The following F5 variants were observed in gnomAD, a reference collection of about 807,000 sequenced individuals.
The protein encoded by F5 is coagulation factor V, also known as activated protein c cofactor.
F5 carries 138 observed loss-of-function variants against 216.4 expected under a neutral mutation model. The observed-to-expected ratio is 0.64, with a 90% CI of 0.56 to 0.73. The LOEUF (loss-of-function observed/expected upper bound fraction) is 0.73. Among genes scored for constraint, F5 ranks in the 30% least tolerant of loss-of-function variants. The pLI is 0.00. For synonymous variants in F5, 916 were observed against 930.7 expected (o/e 0.98, Z 0.29); for missense variants, 2,403 against 2,674.0 (o/e 0.90, Z 2.24).
chr1:169,580,961 G>A (rs1660973216), intron 2 of F5, among the ~76,000 whole-genome samples: 1 of 152,200 alleles, frequency 6.6e-6, no homozygotes, highest in South Asian at 2.1e-4. Flanking sequence ...AGAAGGTAGG[G>A]ATTAATTCAA....
intron 21 of F5, among the ~76,000 whole-genome samples, chr1:169,521,495 C>T (rs935994860): frequency 1.3e-5 from 2 of 151,510 alleles, no homozygotes; most frequent in Non-Finnish European, 2.9e-5. Context: ...CTTTTCCTGA[C>T]AGAGCAATGT....
chr1:169,577,706 C>CT (rs1326859729), intron 2 of F5, among the ~76,000 whole-genome samples: 1 of 150,414 alleles, frequency 6.6e-6, no homozygotes, highest in East Asian at 2.0e-4. Flanking sequence ...TCCCAAAGTG[C>CT]TGGGATTACA....
At position 169,512,246 on chromosome 1, in the gene F5, G is replaced by A. The variant is rs1393480386; in HGVS notation, c.*2067C>T. Among the ~76,000 whole-genome samples the A allele has an allele frequency of 6.6e-6, 1 of 151,944 alleles. No individual in the cohort carries two copies. The highest frequency in any genetic ancestry group is 1.5e-5 in the Non-Finnish European group (1 of 67,948). ...TCCTTGGGCAAGTTGTTTAATCTTT[G>A]GGGCCTTATTTTTCTCAAGTAGAGA... On this transcript the variant is annotated 3_prime_UTR_variant, in exon 25 of 25. Transcript: ENST00000367797.
At chr1:169,550,852 C>G in intron 8 of F5, 113 bp from the exon 9 acceptor site, 1 of 773,840 alleles carries the variant, frequency 1.3e-6, no homozygotes, top group Non-Finnish European at 2.2e-6. Context: ...TACATGTGTA[C>G]ACACAGTAGG....
At chr1:169,516,030 T>C (rs1034119733) in intron 23 of F5, among the ~76,000 whole-genome samples, 1 of 152,188 alleles carries the variant, frequency 6.6e-6, no homozygotes, top group African/African-American at 2.4e-5. Flanking sequence ...TATTATTTTC[T>C]TAAGCAAATT....
intron 5 of F5, among the ~76,000 whole-genome samples, chr1:169,558,241 T>C (rs1243289501): frequency 6.6e-6 from 1 of 152,084 alleles, no homozygotes; most frequent in African/African-American, 2.4e-5. Flanking sequence ...AAGGTCGAGG[T>C]CAGTTAACTA....
Position 169,541,856 on chromosome 1 carries a change from A to G in F5, c.3234T>C (p.Leu1078=), listed in dbSNP as rs1659860773. The change falls in exon 13 of 25, where the codon CTT becomes CTC. Residue 1078 remains leucine, a synonymous_variant. Transcript: ENST00000367797. ...LVLHKSNETS[L]PTDLNQTLPS... The stretch of plus-strand genomic sequence containing the variant: ...GCAATGTCTGATTGAGGTCTGTGGG[A>G]AGAGATGTTTCATTGGATTTATGAA... 3.7e-6 allele frequency: 6 copies of G among 1,614,118 alleles called. No individual in the cohort carries two copies. Among genetic ancestry groups the G allele is most frequent in the Non-Finnish European group, 4.2e-6 (5 of 1,179,996 alleles).
In F5 at chr1:169,540,272, A is replaced by C. The variant is rs200116074; in HGVS notation, c.4796+22T>G. 3.1e-5 allele frequency: 50 copies of C among 1,613,094 alleles called. No homozygotes were observed. The East Asian group carries it at 1.1e-3, about 35-fold the overall frequency. ...AGCAGTAATGGAAAAATGAGAATAA[A>C]AAAGGAGAAAACTGGCCAAACCTTT... On this transcript the variant is annotated intron_variant, in intron 13 of 24. Transcript: ENST00000367797.
rs760437399 is a variant in F5 at position 169,541,266 on chromosome 1, G to A, written c.3824C>T (p.Pro1275Leu). The A allele has an allele frequency of 1.1e-4, 176 of 1,537,830 alleles. No individual in the cohort carries two copies. Among genetic ancestry groups the A allele is most frequent in the Non-Finnish European group, 8.8e-6 (10 of 1,131,832 alleles). The stretch of plus-strand genomic sequence containing the variant: ...TGTATGGCTGAGGTCTGGAGAAAGG[G>A]GCATCTGACCGAGGGCTGGAGAAAG... ...TNLSPALGQM[P>L]LSPDLSHTTL... The change falls in exon 13 of 25, where the codon CCC (proline) becomes CTC (leucine). Residue 1275 changes from proline (P) to leucine (L), a missense_variant. By Grantham distance (98) the Pro-to-Leu change is moderately conservative. Coordinates refer to ENST00000367797, the MANE Select transcript of F5 (RefSeq NM_000130.5).
In F5 at chr1:169,551,094, T is replaced by C. The variant is rs141786472; in HGVS notation, c.1297-355A>G. ...CCACATCTCATTTTGAATCTGCTTC[T>C]CATCTCTAGACCATGATCCCCTTCC... is the stretch of plus-strand genomic sequence containing the variant. On this transcript the variant is annotated intron_variant, in intron 8 of 24. Coordinates refer to ENST00000367797, the MANE Select transcript of F5 (RefSeq NM_000130.5). Among the ~76,000 whole-genome samples the C allele has an allele frequency of 5.3e-3, 803 of 152,272 alleles. 7 individuals are homozygous for C. The highest frequency in any genetic ancestry group is 0.018 in the African/African-American group (748 of 41,542).
chr1:169,537,117 C>T (rs1659721838), intron 13 of F5, among the ~76,000 whole-genome samples: 1 of 152,114 alleles, frequency 6.6e-6, no homozygotes, highest in Non-Finnish European at 1.5e-5. Context: ...TCATAGTACT[C>T]TCTCCAGTGG....
chr1:169,538,650 T>A (rs774568513), intron 13 of F5, among the ~76,000 whole-genome samples: 3 of 152,146 alleles, frequency 2.0e-5, no homozygotes, highest in African/African-American at 7.2e-5. Flanking sequence ...CAGATGAATC[T>A]CCAGAGAATT....
rs978804180 is a variant in F5 at position 169,513,519 on chromosome 1, A to G, written c.*794T>C. On this transcript the variant is annotated 3_prime_UTR_variant, in exon 25 of 25. Coordinates refer to ENST00000367797, the MANE Select transcript of F5 (RefSeq NM_000130.5). ...GCCAGTTTGGCCAGAGGTCTCTTTG[A>G]GCAGGAACAACTGCATTTAGACCAG... Among the ~76,000 whole-genome samples, 2 of 152,134 alleles carry G rather than the reference A, an allele frequency of 1.3e-5. No homozygotes were observed. Among genetic ancestry groups the G allele is most frequent in the African/African-American group, 4.8e-5 (2 of 41,436 alleles).
At chr1:169,547,562 CAT>C (rs1183275217) in intron 10 of F5, among the ~76,000 whole-genome samples, 1 of 152,156 alleles carries the variant, frequency 6.6e-6, no homozygotes, top group Non-Finnish European at 1.5e-5. Flanking sequence ...AGAAGACACA[CAT>C]GTGGCCAAAG....
chr1:169,546,322 G>A, intron 11 of F5, 120 bp downstream of exon 11: 1 of 1,200,242 alleles, frequency 8.3e-7, no homozygotes, highest in South Asian at 1.3e-5. Flanking sequence ...TGGACTGGAA[G>A]TGAGGATTGG....
At position 169,552,661 on chromosome 1, in the gene F5, G is replaced by A; in HGVS notation, c.1192C>T (p.Gln398Ter). The A allele has an allele frequency of 6.2e-7, 1 of 1,612,308 alleles. No homozygotes were observed. Residue 398 changes from glutamine to a stop codon, truncating the protein, a stop_gained, in exon 8 of 25, where the codon CAG becomes TAG. Coordinates refer to ENST00000367797, the MANE Select transcript of F5 (RefSeq NM_000130.5). LOFTEE classifies it high-confidence loss of function. ...GKHYKKVMYT[Q>*]YEDESFTKHT... The stretch of plus-strand genomic sequence containing the variant: ...TTGGTGAAGGACTCATCTTCGTACT[G>A]TGTGTACATAACTTTCTTATAATGT...
chr1:169,576,629 A>C (rs1419606742), intron 2 of F5, among the ~76,000 whole-genome samples: 1 of 152,032 alleles, frequency 6.6e-6, no homozygotes, highest in African/African-American at 2.4e-5. Context: ...CCAGATGTCT[A>C]CACCTCTTTT....
At chr1:169,539,031 T>A (rs1208965656) in intron 13 of F5, among the ~76,000 whole-genome samples, 1 of 152,166 alleles carries the variant, frequency 6.6e-6, no homozygotes, top group Non-Finnish European at 1.5e-5. Context: ...TGTTCCAAAA[T>A]AAAAAGTTTA....
chr1:169,528,868 T>G (rs1488679919), intron 16 of F5, among the ~76,000 whole-genome samples: 1 of 152,172 alleles, frequency 6.6e-6, no homozygotes. Flanking sequence ...GCTGTGAAAT[T>G]TCAGAAACCA....
Sources: gnomAD v4.1 joint callset for allele counts (sites outside exome capture counted in the v4.1 genomes callset) on GRCh38, gnomAD v4.1.1 for gene constraint, MANE v1.5 for transcripts, NCBI Gene and HGNC (gene_info 2026-07-23, HGNC 2026-07-21) for gene names.